EPHB1: variants seen among roughly 807,000 people sequenced by gnomAD.
EPHB1 encodes the protein ephrin type-B receptor 1.
In EPHB1, 30 loss-of-function variants were observed where a neutral mutation model predicts 94.4. The observed-to-expected ratio is 0.32, with a 90% CI of 0.24 to 0.43. The LOEUF is 0.43. EPHB1 is among the 20% of genes least tolerant of loss of function. The probability of loss-of-function intolerance (pLI) is 1.00; values close to 1 mark genes in which losing one functional copy is unlikely to be tolerated. For missense variants in EPHB1, 1,055 were observed against 1,308.3 expected (o/e 0.81, Z 2.99); for synonymous variants, 522 against 489.1 (o/e 1.07, Z -0.89).
At chr3:134,921,464 C>T (rs940902935) in intron 1 of EPHB1, among the ~76,000 whole-genome samples, 2 of 152,198 alleles carry the variant, frequency 1.3e-5, no homozygotes, top group African/African-American at 4.8e-5. Context: ...CTCATAGGCT[C>T]AGCCAGAATA....
chr3:134,861,085 C>T (rs1005603948), intron 1 of EPHB1, among the ~76,000 whole-genome samples: 11 of 152,170 alleles, frequency 7.2e-5, no homozygotes, highest in Non-Finnish European at 1.5e-4. Flanking sequence ...TGAACTGTAA[C>T]GCCAGTTAGA....
intron 3 of EPHB1, among the ~76,000 whole-genome samples, chr3:135,098,881 C>T (rs779502766): frequency 2.0e-5 from 3 of 151,838 alleles, no homozygotes; most frequent in Admixed American, 6.6e-5. Context: ...GTGGTAGTGG[C>T]GCTTTCCTGT....
chr3:135,039,385 G>A (rs1936755325), intron 3 of EPHB1, among the ~76,000 whole-genome samples: 1 of 152,240 alleles, frequency 6.6e-6, no homozygotes, highest in Non-Finnish European at 1.5e-5. Context: ...CCGCACTGGG[G>A]CTGCAGGTGG....
chr3:134,932,656 A>G (rs1470761777), intron 2 of EPHB1, among the ~76,000 whole-genome samples: 1 of 152,224 alleles, frequency 6.6e-6, no homozygotes, highest in Non-Finnish European at 1.5e-5. Flanking sequence ...ATGAAACAAT[A>G]TCAGTAAAAA....
intron 1 of EPHB1, among the ~76,000 whole-genome samples, chr3:134,871,718 C>T (rs1484479788): frequency 6.6e-6 from 1 of 152,134 alleles, no homozygotes; most frequent in African/African-American, 2.4e-5. Context: ...TCTTCACTCA[C>T]TGCAAACACG....
chr3:135,046,590 T>G (rs983875949), intron 3 of EPHB1, among the ~76,000 whole-genome samples: 7 of 152,210 alleles, frequency 4.6e-5, no homozygotes, highest in African/African-American at 1.7e-4. Flanking sequence ...TTGGGCAAGT[T>G]ATACAATTTC....
chr3:135,105,382 C>T (rs766022818), intron 3 of EPHB1, among the ~76,000 whole-genome samples: 8 of 152,104 alleles, frequency 5.3e-5, no homozygotes, highest in East Asian at 3.9e-4. Flanking sequence ...GTTGACCAGT[C>T]AGTAGGTTTT....
At chr3:135,217,259 A>G (rs1390432161) in intron 12 of EPHB1, among the ~76,000 whole-genome samples, 2 of 152,042 alleles carry the variant, frequency 1.3e-5, no homozygotes, top group Non-Finnish European at 2.9e-5. Flanking sequence ...GAGGATAGGC[A>G]TCACCGTGTC....
chr3:135,209,845 T>C (rs1942991967), intron 12 of EPHB1, among the ~76,000 whole-genome samples: 2 of 152,164 alleles, frequency 1.3e-5, no homozygotes, highest in South Asian at 2.1e-4. Flanking sequence ...GAGGCACTAG[T>C]AGAGACAGGA....
At chr3:135,229,298 G>A (rs533115905) in intron 12 of EPHB1, among the ~76,000 whole-genome samples, 7 of 152,286 alleles carry the variant, frequency 4.6e-5, no homozygotes, top group Admixed American at 3.3e-4. Context: ...AGGTGGAGAC[G>A]GTAAGACAGA....
At chr3:134,943,816 A>G (rs1425392485) in intron 2 of EPHB1, among the ~76,000 whole-genome samples, 1 of 152,198 alleles carries the variant, frequency 6.6e-6, no homozygotes, top group African/African-American at 2.4e-5. Context: ...CAAGGTACAG[A>G]TGATAGAATG....
chr3:134,865,907 C>T (rs1432189929), intron 1 of EPHB1, among the ~76,000 whole-genome samples: 1 of 152,136 alleles, frequency 6.6e-6, no homozygotes, highest in Admixed American at 6.5e-5. Flanking sequence ...ATAATATATG[C>T]TTATAGGAAG....
chr3:135,061,358 A>T (rs1937499102), intron 3 of EPHB1, among the ~76,000 whole-genome samples: 2 of 110,482 alleles, frequency 1.8e-5, no homozygotes, highest in African/African-American at 3.1e-5. Context: ...GCTCCCACTT[A>T]GGAATGACCA....
Position 134,955,544 on chromosome 3 carries a change from C to T in EPHB1, c.805+3492C>T, listed in dbSNP as rs1933235225. Among the ~76,000 whole-genome samples, 2 of 103,200 alleles carry T rather than the reference C, an allele frequency of 1.9e-5. 1 individual carries two copies. Among genetic ancestry groups the T allele is most frequent in the Non-Finnish European group, 3.9e-5 (2 of 51,668 alleles). The allele number at this position is 103,200 out of a possible 152,430, so 67.7% of individuals were successfully genotyped here. ...TGGTGGGACTGTAAACTAGTTCAAC[C>T]ATTGTGGAAGTCAGTGTGGCGATTC... On this transcript the variant is annotated intron_variant, in intron 3 of 15. Transcript: ENST00000398015.
intron 9 of EPHB1, among the ~76,000 whole-genome samples, chr3:135,171,496 A>T (rs1941800056): frequency 6.6e-6 from 1 of 152,202 alleles, no homozygotes; most frequent in Non-Finnish European, 1.5e-5. Flanking sequence ...GGAGAGCATA[A>T]CTAACACCAC....
At chr3:135,200,691 C>A (rs2107712707) in intron 11 of EPHB1, among the ~76,000 whole-genome samples, 1 of 152,168 alleles carries the variant, frequency 6.6e-6, no homozygotes, top group South Asian at 2.1e-4. Flanking sequence ...CAGAGACAGA[C>A]AGACAGAAAG....
chr3:135,094,772 G>C (rs1420039638), intron 3 of EPHB1, among the ~76,000 whole-genome samples: 1 of 152,218 alleles, frequency 6.6e-6, no homozygotes, highest in Non-Finnish European at 1.5e-5. Flanking sequence ...AGCCCATGGG[G>C]CTCTCAGCAG....
intron 1 of EPHB1, among the ~76,000 whole-genome samples, chr3:134,855,345 G>A (rs1277660315): frequency 6.6e-6 from 1 of 152,220 alleles, no homozygotes; most frequent in Non-Finnish European, 1.5e-5. Context: ...TTGGACTGGG[G>A]TGATGGAACT....
intron 3 of EPHB1, among the ~76,000 whole-genome samples, chr3:135,096,950 G>A (rs928653222): frequency 7.2e-5 from 11 of 151,976 alleles, no homozygotes; most frequent in Non-Finnish European, 1.5e-4. Flanking sequence ...ACAAAAGTTA[G>A]CCAGGTGTGG....
Sources: allele counts gnomAD v4.1 joint callset (sites outside exome capture counted in the v4.1 genomes callset), GRCh38; gene constraint gnomAD v4.1.1; transcripts MANE v1.5; gene names NCBI Gene and HGNC (gene_info 2026-07-23, HGNC 2026-07-21).